Variants in ATF7IP2 observed in about 807,000 individuals in gnomAD.
The protein encoded by ATF7IP2 is activating transcription factor 7 interacting protein 2, also known as activating transcription factor 7-interacting protein 2.
A neutral mutation model predicts 64.2 loss-of-function variants in ATF7IP2; 42 were observed. The observed-to-expected ratio is 0.65, with a 90% CI of 0.51 to 0.85. The LOEUF (loss-of-function observed/expected upper bound fraction) is 0.85, where lower values mean the gene tolerates loss of function less well. ATF7IP2 is among the 40% of genes least tolerant of loss of function. The pLI, the probability that ATF7IP2 is intolerant of heterozygous loss-of-function variation, is 0.00. For missense variants in ATF7IP2, 933 were observed against 784.2 expected (o/e 1.19, Z -2.27); for synonymous variants, 308 against 272.8 (o/e 1.13, Z -1.27).
At chr16:10,469,583 T>A (rs2049712164) in intron 9 of ATF7IP2, among the ~76,000 whole-genome samples, 1 of 152,094 alleles carries the variant, frequency 6.6e-6, no homozygotes, top group African/African-American at 2.4e-5. Context: ...ACAGAAAGTC[T>A]GACCAACATG....
intron 5 of ATF7IP2, among the ~76,000 whole-genome samples, chr16:10,432,679 G>A (rs1397050069): frequency 6.6e-6 from 1 of 152,152 alleles, no homozygotes; most frequent in Non-Finnish European, 1.5e-5. Flanking sequence ...GACCAGCCTG[G>A]CCAACATGGC....
At chr16:10,474,357 G>A (rs184392232) in intron 12 of ATF7IP2, among the ~76,000 whole-genome samples, 24 of 152,070 alleles carry the variant, frequency 1.6e-4, no homozygotes, top group African/African-American at 5.1e-4. Context: ...CCTCTTTATT[G>A]CCAAGAGTAG....
chr16:10,475,722 G>GAAAAAAAAAAAAAAAA (rs386384218), intron 12 of ATF7IP2, among the ~76,000 whole-genome samples: 25 of 41,620 alleles, frequency 6.0e-4, no homozygotes, highest in Middle Eastern at 0.017. Flanking sequence ...TAAGAAGCCA[G>GAAAAAAAAAAAAAAAA]AAAAAAAAAA....
At chr16:10,387,122 G>T (rs912428332) in intron 1 of ATF7IP2, 7 of 152,140 alleles carry the variant, frequency 4.6e-5, no homozygotes, top group Non-Finnish European at 1.0e-4. Context: ...TTTTTATTAT[G>T]ATTTTGTCAT....
chr16:10,425,054 ATTTTTTT>A (rs59143669), intron 3 of ATF7IP2, among the ~76,000 whole-genome samples: 1 of 132,196 alleles, frequency 7.6e-6, no homozygotes, highest in Non-Finnish European at 1.6e-5. Context: ...TTTATATCAG[ATTTTTTT>A]TTTTTTTTTT....
chr16:10,387,824 T>TCCCCCCCCCCCCCCCCCCCCCCCCCCCCC (rs5815573), intron 1 of ATF7IP2: 2 of 130,582 alleles, frequency 1.5e-5, no homozygotes, highest in African/African-American at 3.0e-5. Flanking sequence ...TCTATTTTAC[T>TCCCCCCCCCCCCCCCCCCCCCCCCCCCCC]CCCCCCCCCT....
At chr16:10,429,407 A>T (rs1372459955) in intron 4 of ATF7IP2, among the ~76,000 whole-genome samples, 1 of 152,200 alleles carries the variant, frequency 6.6e-6, no homozygotes, top group Non-Finnish European at 1.5e-5. Context: ...CTGGAGTACA[A>T]TGGCACGATC....
At chr16:10,458,473 G>A (rs79272183) in intron 9 of ATF7IP2, among the ~76,000 whole-genome samples, 1,847 of 152,318 alleles carry the variant, frequency 0.012, 94 homozygotes, top group Admixed American at 0.084. Flanking sequence ...TCTTTTATAT[G>A]AACAAATCTA....
chr16:10,398,046 TGTA>T (rs948425049), intron 1 of ATF7IP2, among the ~76,000 whole-genome samples: 6 of 152,018 alleles, frequency 3.9e-5, no homozygotes, highest in African/African-American at 1.2e-4. Flanking sequence ...GGCTCAAGCT[TGTA>T]ATCCCAGCAC....
At chr16:10,468,107 C>T (rs1170787053) in intron 9 of ATF7IP2, among the ~76,000 whole-genome samples, 5 of 147,824 alleles carry the variant, frequency 3.4e-5, no homozygotes, top group Admixed American at 6.7e-5. Context: ...CTCGAACTCC[C>T]GACCTCAGGT....
intron 1 of ATF7IP2, among the ~76,000 whole-genome samples, chr16:10,411,359 T>TG (rs1462843607): frequency 2.9e-5 from 3 of 102,076 alleles, no homozygotes; most frequent in Non-Finnish European, 5.8e-5. Context: ...TTGTTTTTTT[T>TG]TTTTTGGTGT....
Position 10,431,820 on chromosome 16 carries a change from C to CTTTTTTTTTT in ATF7IP2, c.835+377_835+386dup, listed in dbSNP as rs35046235. On this transcript the variant is annotated intron_variant, in intron 5 of 13. Coordinates refer to ENST00000562102, the MANE Select transcript of ATF7IP2 (RefSeq NM_001393719.1). ...TTAAAAATTGTTGGTAACCCTATTT[C>CTTTTTTTTTT]TTTTTTTTTTTTTTTTTTTTTGAGA... Among the ~76,000 whole-genome samples, 6 of 113,298 alleles carry CTTTTTTTTTT rather than the reference C, an allele frequency of 5.3e-5. 1 individual carries two copies. Among genetic ancestry groups the CTTTTTTTTTT allele is most frequent in the African/African-American group, 1.1e-4 (3 of 27,986 alleles). 74.3% of individuals were successfully genotyped at this position (113,298 alleles called of 152,430 possible). A position where few individuals can be genotyped will look rare whatever the true frequency, so the allele number is the denominator to read the frequency against.
intron 8 of ATF7IP2, among the ~76,000 whole-genome samples, chr16:10,444,110 C>A (rs2048721955): frequency 6.6e-6 from 1 of 151,998 alleles, no homozygotes; most frequent in Non-Finnish European, 1.5e-5. Context: ...TTTGTAGGTC[C>A]CCACAGGGCA....
intron 1 of ATF7IP2, among the ~76,000 whole-genome samples, chr16:10,404,070 A>G (rs540632022): frequency 6.6e-6 from 1 of 152,340 alleles, no homozygotes; most frequent in East Asian, 1.9e-4. Flanking sequence ...GACATCTTAG[A>G]TACAGGAAGC....
rs370065408 is a variant in ATF7IP2, at chr16:10,470,813, A to ATATG, written c.1353-1296_1353-1295insATGT. Among the ~76,000 whole-genome samples, 367 of 140,780 alleles carry ATATG rather than the reference A, an allele frequency of 2.6e-3. 2 individuals are homozygous for ATATG. The highest frequency in any genetic ancestry group is 0.011 in the African/African-American group (353 of 33,012). 92.4% of individuals were successfully genotyped at this position (140,780 alleles called of 152,430 possible). On this transcript the variant is annotated intron_variant, in intron 9 of 13. Coordinates refer to ENST00000562102, the MANE Select transcript of ATF7IP2 (RefSeq NM_001393719.1). Reference sequence around the variant, plus strand: ...AATATATATATATGTATATATATATATGTGTGTGTGTATATATATATATAT... The same window carrying ATATG: ...AATATATATATATGTATATATATATATATGTGTGTGTGTGTATATATATATATAT...
intron 8 of ATF7IP2, among the ~76,000 whole-genome samples, chr16:10,443,296 G>A (rs187866823): frequency 6.6e-6 from 1 of 152,300 alleles, no homozygotes; most frequent in East Asian, 1.9e-4. Context: ...GGCATCGTTA[G>A]ATGGAAGCTG....
chr16:10,434,547 G>T (rs1039806054), intron 6 of ATF7IP2, among the ~76,000 whole-genome samples: 1 of 151,940 alleles, frequency 6.6e-6, no homozygotes, highest in African/African-American at 2.4e-5. Flanking sequence ...GGAAAATAAA[G>T]GGAAAGAGTT....
At chr16:10,440,886 G>C (rs2048595109) in intron 8 of ATF7IP2, among the ~76,000 whole-genome samples, 1 of 152,148 alleles carries the variant, frequency 6.6e-6, no homozygotes. Flanking sequence ...TTCTCCTAAT[G>C]CTATCCCTCC....
chr16:10,395,804 A>G (rs1490363771), intron 1 of ATF7IP2, among the ~76,000 whole-genome samples: 3 of 152,132 alleles, frequency 2.0e-5, no homozygotes, highest in African/African-American at 7.2e-5. Context: ...CTGTAAAAAA[A>G]CCCACGGTTA....
Sources: allele counts gnomAD v4.1 joint callset (sites outside exome capture counted in the v4.1 genomes callset), GRCh38; gene constraint gnomAD v4.1.1; transcripts MANE v1.5; gene names NCBI Gene and HGNC (gene_info 2026-07-23, HGNC 2026-07-21).